Variants in MACF1 observed in about 807,000 individuals in gnomAD.
The protein encoded by MACF1 is microtubule actin crosslinking factor 1.
A neutral mutation model predicts 854.8 loss-of-function variants in MACF1; 193 were observed. The ratio of observed to expected loss-of-function variants is 0.23; its 90% confidence interval spans 0.20 to 0.25. MACF1 has a LOEUF of 0.25. MACF1 is among the 10% of genes least tolerant of loss of function. The pLI, the probability that MACF1 is intolerant of heterozygous loss-of-function variation, is 1.00. For missense variants in MACF1, 7,722 were observed against 8,929.1 expected, an observed-to-expected ratio of 0.86 and a Z score of 5.45; for synonymous variants, 3,185 against 3,226.7, an observed-to-expected ratio of 0.99 and a Z score of 0.44.
intron 2 of MACF1, among the ~76,000 whole-genome samples, chr1:39,162,267 G>T (rs2148209851): frequency 6.6e-6 from 1 of 152,284 alleles, no homozygotes; most frequent in South Asian, 2.1e-4. Context: ...TTCCCAAAGT[G>T]CTGGGATTAC....
At chr1:39,212,315 A>C (rs1258328928) in intron 1 of MACF1, among the ~76,000 whole-genome samples, 2 of 152,214 alleles carry the variant, frequency 1.3e-5, no homozygotes, top group African/African-American at 2.4e-5. Context: ...CCATTGCAGC[A>C]GAACTTGCCT....
chr1:39,380,167 T>C, intron 54 of MACF1, 77 bp from the exon 55 acceptor site: 2 of 1,479,600 alleles, frequency 1.4e-6, no homozygotes, highest in Non-Finnish European at 1.9e-6. Flanking sequence ...TGCCCAGTTT[T>C]CCAATCATTT....
chr1:39,211,728 A>G (rs1368954956), intron 1 of MACF1, among the ~76,000 whole-genome samples: 2 of 152,070 alleles, frequency 1.3e-5, no homozygotes, highest in Admixed American at 1.3e-4. Flanking sequence ...TAAAAATACA[A>G]AAATTAGCCA....
At chr1:39,092,975 G>A (rs752954871) in intron 2 of MACF1, among the ~76,000 whole-genome samples, 11 of 151,978 alleles carry the variant, frequency 7.2e-5, no homozygotes, top group Middle Eastern at 3.4e-3. Flanking sequence ...TAGTAGAGAC[G>A]GGGTTTCACC....
At chr1:39,110,075 A>AT (rs1642355838) in intron 2 of MACF1, among the ~76,000 whole-genome samples, 1 of 152,150 alleles carries the variant, frequency 6.6e-6, no homozygotes, top group African/African-American at 2.4e-5. Context: ...TACAAAAATA[A>AT]TTTTTAAAAT....
At chr1:39,094,746 GC>G (rs1178635079) in intron 2 of MACF1, among the ~76,000 whole-genome samples, 1 of 152,062 alleles carries the variant, frequency 6.6e-6, no homozygotes, top group Non-Finnish European at 1.5e-5. Context: ...AAAGAAATTA[GC>G]CAGGCGTGGT....
intron 70 of MACF1, among the ~76,000 whole-genome samples, chr1:39,437,478 T>C (rs955587169): frequency 9.9e-5 from 15 of 151,866 alleles, no homozygotes; most frequent in Admixed American, 9.8e-4. Context: ...ACCCGGCTAA[T>C]TTTTTGTATT....
intron 1 of MACF1, 55 bp downstream of exon 1, chr1:39,205,186 G>A: frequency 1.4e-6 from 1 of 701,022 alleles, no homozygotes; most frequent in East Asian, 2.7e-5. Flanking sequence ...TTTTGAGGGT[G>A]GGGTGAATGA....
At chr1:39,188,917 T>C (rs1200406644) in intron 2 of MACF1, among the ~76,000 whole-genome samples, 1 of 151,920 alleles carries the variant, frequency 6.6e-6, no homozygotes, top group African/African-American at 2.4e-5. Flanking sequence ...TTTGTATTTT[T>C]AGTAGAGGCG....
intron 94 of MACF1, 57 bp downstream of exon 94, chr1:39,463,743 C>T: frequency 6.8e-7 from 1 of 1,472,270 alleles, no homozygotes; most frequent in Non-Finnish European, 9.5e-7. Flanking sequence ...GTGGCTGATC[C>T]CACCTTTTCC....
rs113213064 is a variant in MACF1, at chr1:39,465,594, T to C, written c.21771+482T>C. ...GAGAAGTGTAGTGTGGAGATCGTAA[T>C]TGGCCGTGGCCTGAAGTATGCTGAT... On this transcript the variant is annotated intron_variant, in intron 95 of 100. Transcript: ENST00000564288. Among the ~76,000 whole-genome samples the C allele has an allele frequency of 5.2e-3, 793 of 152,304 alleles. 6 individuals carry two copies. Among genetic ancestry groups the C allele is most frequent in the African/African-American group, 0.018 (733 of 41,568 alleles).
chr1:39,319,785 A>G, intron 31 of MACF1, 38 bp downstream of exon 31: 1 of 1,444,754 alleles, frequency 6.9e-7, no homozygotes, highest in Non-Finnish European at 9.7e-7. Context: ...ATGAATCATC[A>G]CCAGCTCAGG....
Position 39,324,198 on chromosome 1 carries a change from G to C in MACF1, c.4242G>C (p.Val1414=). Residue 1414 remains valine (V), a synonymous_variant, in exon 34 of 101, where the codon GTG becomes GTC. Coordinates refer to ENST00000564288, the MANE Select transcript of MACF1 (RefSeq NM_001394062.1). Reference sequence around the variant, plus strand: ...TTTTCTATTTCCTATTCTAGAAAGTGGTAGAAGAGGAGAAACAAGAACATG... The same window carrying C: ...TTTTCTATTTCCTATTCTAGAAAGTCGTAGAAGAGGAGAAACAAGAACATG... ...ALRRLEEEEK[V]VEEEKQEHVE... is the part of the protein sequence containing the mutation. The C allele has an allele frequency of 6.2e-7, 1 of 1,601,320 alleles. No individual in the cohort carries two copies.
rs769345827 is a variant in MACF1, at chr1:39,291,894, A to T, written c.1786-16A>T. The T allele has an allele frequency of 1.2e-5, 19 of 1,609,396 alleles. No individual in the cohort carries two copies. Among genetic ancestry groups the T allele is most frequent in the African/African-American group, 5.4e-5 (4 of 74,680 alleles). ...CAGCAGTAAATTATGTCATATATAT[A>T]TTTTTTCTTTTTCAGATGAAACTGG... On this transcript the variant is annotated splice_polypyrimidine_tract_variant and intron_variant, in intron 15 of 100. Coordinates refer to ENST00000564288, the MANE Select transcript of MACF1 (RefSeq NM_001394062.1).
intron 58 of MACF1, chr1:39,414,541 T>G (rs1569973489): frequency 6.3e-7 from 1 of 1,595,376 alleles, no homozygotes; most frequent in East Asian, 2.2e-5. Flanking sequence ...AGGGCTGACC[T>G]GGTGGTGATG....
chr1:39,156,152 G>A (rs1643681115), intron 2 of MACF1, among the ~76,000 whole-genome samples: 1 of 152,184 alleles, frequency 6.6e-6, no homozygotes, highest in African/African-American at 2.4e-5. Flanking sequence ...TGGGATTACA[G>A]GCGTGAGCCA....
At chr1:39,107,852 C>T (rs909094285) in intron 2 of MACF1, among the ~76,000 whole-genome samples, 1 of 152,136 alleles carries the variant, frequency 6.6e-6, no homozygotes, top group Non-Finnish European at 1.5e-5. Context: ...TTTGTAGTCA[C>T]CTCATTATAC....
chr1:39,407,487 GAC>G (rs1464869950), intron 58 of MACF1, among the ~76,000 whole-genome samples: 1 of 152,230 alleles, frequency 6.6e-6, no homozygotes, highest in Non-Finnish European at 1.5e-5. Flanking sequence ...AGGGTGTCAA[GAC>G]ACAACCTAGT....
chr1:39,412,278 G>C (rs750526566), intron 58 of MACF1: 1 of 1,613,934 alleles, frequency 6.2e-7, no homozygotes, highest in Non-Finnish European at 8.5e-7. Context: ...AAGTAGAGGT[G>C]TTATATGAAT....
Sources: allele counts gnomAD v4.1 joint callset (sites outside exome capture counted in the v4.1 genomes callset), GRCh38; gene constraint gnomAD v4.1.1; transcripts MANE v1.5; gene names NCBI Gene and HGNC (gene_info 2026-07-23, HGNC 2026-07-21).